PAX3: variants seen among roughly 807,000 people sequenced by gnomAD.
The protein encoded by PAX3 is paired box protein Pax-3.
A neutral mutation model predicts 51.6 loss-of-function variants in PAX3; 14 were observed. The observed-to-expected ratio is 0.27, with a 90% confidence interval of 0.18 to 0.42. The LOEUF (loss-of-function observed/expected upper bound fraction) is 0.42. PAX3 is among the 10% of genes least tolerant of loss of function. PAX3 has a pLI of 1.00. For synonymous variants in PAX3, 280 were observed against 253.4 expected (o/e 1.11, Z -1.00); for missense variants, 540 against 642.8 (o/e 0.84, Z 1.73).
chr2:222,260,839 G>A (rs555731826), intron 4 of PAX3, among the ~76,000 whole-genome samples: 99 of 151,736 alleles, frequency 6.5e-4, no homozygotes, highest in African/African-American at 1.9e-3. Flanking sequence ...GATCTGCCCC[G>A]GCCTCCCAAA....
intron 5 of PAX3, among the ~76,000 whole-genome samples, chr2:222,229,566 A>C (rs566344848): frequency 1.2e-4 from 19 of 152,026 alleles, no homozygotes; most frequent in African/African-American, 4.6e-4. Flanking sequence ...TGCCATTCCC[A>C]CTGCCACTAC....
intron 4 of PAX3, among the ~76,000 whole-genome samples, chr2:222,285,614 C>T (rs1694805524): frequency 1.3e-5 from 2 of 152,318 alleles, no homozygotes; most frequent in South Asian, 4.1e-4. Context: ...TATGAGAGTA[C>T]ACAATAATTC....
chr2:222,266,345 A>T (rs1270392969), intron 4 of PAX3, among the ~76,000 whole-genome samples: 1 of 152,236 alleles, frequency 6.6e-6, no homozygotes, highest in African/African-American at 2.4e-5. Flanking sequence ...CCTGATGCTT[A>T]TTGAGAAGAA....
intron 4 of PAX3, among the ~76,000 whole-genome samples, chr2:222,252,186 G>T (rs1025422411): frequency 6.6e-6 from 1 of 152,148 alleles, no homozygotes; most frequent in African/African-American, 2.4e-5. Flanking sequence ...TTCTATGGCC[G>T]CATGCTACAA....
In PAX3 at chr2:222,201,176, A is replaced by G. The variant is rs1021379603; in HGVS notation, c.*232T>C. 6.2e-7 allele frequency: 1 copy of G among 1,613,826 alleles called. No individual in the cohort carries two copies. The highest frequency in any genetic ancestry group is 8.5e-7 in the Non-Finnish European group (1 of 1,179,956). On this transcript the variant is annotated 3_prime_UTR_variant, in exon 9 of 9. Transcript: ENST00000392070. ...CCTTAAAATGTTGCATTTGTCTTTT[A>G]TTGCTCCAGGTCTTCCTCTTCTCCA...
At chr2:222,246,709 A>T (rs562038089) in intron 4 of PAX3, among the ~76,000 whole-genome samples, 4 of 152,318 alleles carry the variant, frequency 2.6e-5, no homozygotes, top group East Asian at 3.9e-4. Flanking sequence ...ATAAGTTTTT[A>T]AAAACTTTCT....
chr2:222,244,747 AAAAAAAG>A (rs1009274904), intron 4 of PAX3, among the ~76,000 whole-genome samples: 3 of 152,078 alleles, frequency 2.0e-5, no homozygotes, highest in Admixed American at 1.3e-4. Flanking sequence ...AAAAAAAAAA[AAAAAAAG>A]ATATTCAGCT....
At chr2:222,262,903 T>C (rs1693918450) in intron 4 of PAX3, 1 of 152,176 alleles carries the variant, frequency 6.6e-6, no homozygotes, top group Non-Finnish European at 1.5e-5. Flanking sequence ...ACCAACAGTG[T>C]TGAAACAGTT....
chr2:222,220,981 G>A (rs374371113), intron 6 of PAX3, among the ~76,000 whole-genome samples: 24 of 152,268 alleles, frequency 1.6e-4, no homozygotes, highest in African/African-American at 5.5e-4. Context: ...TATTTGGGAA[G>A]GTTAATTTGT....
At chr2:222,296,364 C>T (rs1282294334) in intron 2 of PAX3, among the ~76,000 whole-genome samples, 3 of 152,162 alleles carry the variant, frequency 2.0e-5, no homozygotes, top group Admixed American at 6.5e-5. Flanking sequence ...TGTGTAATTC[C>T]CTCCCACTCA....
chr2:222,252,465 G>C (rs1693471799), intron 4 of PAX3, among the ~76,000 whole-genome samples: 1 of 152,154 alleles, frequency 6.6e-6, no homozygotes, highest in Non-Finnish European at 1.5e-5. Context: ...TGTAGTGAAG[G>C]TAGAATTAAC....
chr2:222,268,684 C>A (rs1193331327), intron 4 of PAX3, among the ~76,000 whole-genome samples: 2 of 152,160 alleles, frequency 1.3e-5, no homozygotes, highest in Non-Finnish European at 2.9e-5. Context: ...GAGCACAGCT[C>A]TTGCAGGCTA....
chr2:222,251,075 A>G lies in PAX3; in HGVS notation c.587-18792T>C, dbSNP rs146172447. Reference sequence around the variant, plus strand: ...CAGGTGAAGGGGGAACACTGTCAATACCCATCACAATACATTTTTATTTAT... The same window carrying G: ...CAGGTGAAGGGGGAACACTGTCAATGCCCATCACAATACATTTTTATTTAT... On this transcript the variant is annotated intron_variant, in intron 4 of 8. Transcript: ENST00000392070. Among the ~76,000 whole-genome samples, 42 of 152,018 alleles carry G rather than the reference A, an allele frequency of 2.8e-4. No homozygotes were observed. The East Asian group carries it at 8.0e-3, about 29-fold the overall frequency.
At chr2:222,266,335 C>A (rs1694054578) in intron 4 of PAX3, among the ~76,000 whole-genome samples, 1 of 152,180 alleles carries the variant, frequency 6.6e-6, no homozygotes, top group African/African-American at 2.4e-5. Context: ...AAGAACAATA[C>A]CTGATGCTTA....
Position 222,243,438 on chromosome 2 carries a change from A to G in PAX3, c.587-11155T>C, listed in dbSNP as rs1387973012. ...ACTGTCCTTTGCACTAGGGATGCAA[A>G]TATGAATAATATATGGAGCCTAAAC... On this transcript the variant is annotated intron_variant, in intron 4 of 8. Coordinates refer to ENST00000392070, the MANE Select transcript of PAX3 (RefSeq NM_181458.4). Among the ~76,000 whole-genome samples the G allele has an allele frequency of 2.0e-5, 3 of 152,236 alleles. 1 individual carries two copies. In the East Asian group the frequency reaches 5.8e-4, roughly 29 times the overall value.
chr2:222,277,428 C>A (rs769959168), intron 4 of PAX3, among the ~76,000 whole-genome samples: 1 of 152,198 alleles, frequency 6.6e-6, no homozygotes, highest in Non-Finnish European at 1.5e-5. Context: ...AGGAACCCCT[C>A]CTGGGGAGAC....
intron 7 of PAX3, among the ~76,000 whole-genome samples, chr2:222,208,314 A>G (rs2106046522): frequency 6.6e-6 from 1 of 151,988 alleles, no homozygotes; most frequent in South Asian, 2.1e-4. Flanking sequence ...TTTTTTTTCT[A>G]TGAATGAAAA....
intron 5 of PAX3, among the ~76,000 whole-genome samples, chr2:222,231,220 C>T (rs115110246): frequency 6.6e-6 from 1 of 152,134 alleles, no homozygotes; most frequent in Non-Finnish European, 1.5e-5. Context: ...AGTCCCCAGC[C>T]TGCAAATTAA....
At chr2:222,202,902 A>G (rs1691355161) in intron 7 of PAX3, among the ~76,000 whole-genome samples, 1 of 150,806 alleles carries the variant, frequency 6.6e-6, no homozygotes, top group African/African-American at 2.4e-5. Context: ...CAGCACCTAA[A>G]GCAGTGAATG....
Sources: allele counts gnomAD v4.1 joint callset (sites outside exome capture counted in the v4.1 genomes callset), GRCh38; gene constraint gnomAD v4.1.1; transcripts MANE v1.5; gene names NCBI Gene and HGNC (gene_info 2026-07-23, HGNC 2026-07-21).